Variants in MAGEA10 observed in about 807,000 individuals in gnomAD.
The protein encoded by MAGEA10 is melanoma-associated antigen 10.
MAGEA10 carries 7 observed loss-of-function variants against 8.6 expected under a neutral mutation model. The ratio of observed to expected loss-of-function variants is 0.82; its 90% confidence interval spans 0.46 to 1.53. MAGEA10 has a LOEUF of 1.53. MAGEA10 is among the 40% of genes most tolerant of loss of function. MAGEA10 has a pLI of 0.01. For synonymous variants in MAGEA10, 125 were observed against 107.4 expected (o/e 1.16, Z -1.02); for missense variants, 293 against 274.0 (o/e 1.07, Z -0.49).
At chrX:152,135,905 A>G in intron 2 of MAGEA10, 71 bp from the exon 3 acceptor site, 1 of 256,654 alleles carries the variant, frequency 3.9e-6, no homozygotes, top group Non-Finnish European at 7.0e-6. Context: ...GACTGACAGT[A>G]GGGTAGGTGG....
Position 152,134,345 on chromosome X carries a change from G to A in MAGEA10, c.*166C>T. ...ACTATAGTCATCCTACTGTGCAATA[G>A]AACACTAGAACTTATTCCTCCTATT... On this transcript the variant is annotated 3_prime_UTR_variant, in exon 4 of 4. Transcript: ENST00000370323. 4.7e-6 allele frequency: 2 copies of A among 429,708 alleles called. No homozygotes were observed. Among genetic ancestry groups the A allele is most frequent in the Non-Finnish European group, 7.9e-6 (2 of 253,442 alleles). 35.4% of individuals were successfully genotyped at this position (429,708 alleles called of 1,213,427 possible).
Position 152,135,667 on chromosome X carries a change from G to T in MAGEA10, c.-47C>A, listed in dbSNP as rs768227548. 9.2e-7 allele frequency: 1 copy of T among 1,082,730 alleles called. No homozygotes were observed. The highest frequency in any genetic ancestry group is 1.9e-5 in the African/African-American group (1 of 53,603). 89.2% of individuals were successfully genotyped at this position (1,082,730 alleles called of 1,213,427 possible). A position where few individuals can be genotyped will look rare whatever the true frequency, so the allele number is the denominator to read the frequency against. ...AGGTGGGAGTGTGGGCAGGACTTGG[G>T]CGATGGGGACCCACAGGCCTGGGGA... On this transcript the variant is annotated 5_prime_UTR_variant, in exon 4 of 4. Transcript: ENST00000370323.
rs778334853 is a variant in MAGEA10 at position 152,134,568 on chromosome X, A to T, written c.1053T>A (p.Thr351=). Residue 351 remains threonine (T), a synonymous_variant, in exon 4 of 4, where the codon ACT becomes ACA. Coordinates refer to ENST00000370323, the MANE Select transcript of MAGEA10 (RefSeq NM_021048.5). Reference sequence around the variant, plus strand: ...TAGAACTTGCACTGGCCATGGCAGTAGTATCATCTGTGGTGGCAATTCTGT... The same window carrying T: ...TAGAACTTGCACTGGCCATGGCAGTTGTATCATCTGTGGTGGCAATTCTGT... ...AQDRIATTDD[T]TAMASASSSA... 8.3e-7 allele frequency: 1 copy of T among 1,207,993 alleles called. No homozygotes were observed. Among genetic ancestry groups the T allele is most frequent in the Non-Finnish European group, 1.1e-6 (1 of 892,113 alleles).
chrX:152,135,177 C>A lies in MAGEA10; in HGVS notation c.444G>T (p.Lys148Asn). The A allele has an allele frequency of 8.3e-7, 1 of 1,209,824 alleles. No homozygotes were observed. The highest frequency in any genetic ancestry group is 1.1e-6 in the Non-Finnish European group (1 of 894,008). ...TTGTGATCGGCTCCTTCATTTGATA[C>A]TTGAAGAGCAGAAACTGCACCAAAT... ...VTDLVQFLLF[K>N]YQMKEPITKA... The change falls in exon 4 of 4, where the codon AAG becomes AAT. Residue 148 changes from lysine to asparagine, a missense_variant. By Grantham distance (94) the Lys-to-Asn change is moderately conservative. Coordinates refer to ENST00000370323, the MANE Select transcript of MAGEA10 (RefSeq NM_021048.5).
At chrX:152,137,971 G>C (rs1936716158) in intron 1 of MAGEA10, among the ~76,000 whole-genome samples, 1 of 110,506 alleles carries the variant, frequency 9.0e-6, no homozygotes, top group Non-Finnish European at 1.9e-5. Context: ...TCCTCAGGCC[G>C]AGTGAAGAGA....
chrX:152,135,312 A>G lies in MAGEA10; in HGVS notation c.309T>C (p.Asp103=), dbSNP rs1413167444. 1 of 1,210,819 alleles carries G rather than the reference A, an allele frequency of 8.3e-7. No homozygotes were observed. Among genetic ancestry groups the G allele is most frequent in the East Asian group, 3.0e-5 (1 of 33,788 alleles). Reference sequence around the variant, plus strand: ...GGCTGCTGGAGCCCTCATCAGATTGATCTAATGGAAGGGAAGCAACGACCG... The same window carrying G: ...GGCTGCTGGAGCCCTCATCAGATTGGTCTAATGGAAGGGAAGCAACGACCG... ...SPSVVASLPL[D]QSDEGSSSQK... The change falls in exon 4 of 4, where the codon GAT becomes GAC. Residue 103 remains aspartate, a synonymous_variant. Coordinates refer to ENST00000370323, the MANE Select transcript of MAGEA10 (RefSeq NM_021048.5).
intron 1 of MAGEA10, among the ~76,000 whole-genome samples, chrX:152,137,928 C>T: frequency 9.0e-6 from 1 of 110,643 alleles, no homozygotes; most frequent in South Asian, 4.0e-4. Flanking sequence ...TCTACCACGC[C>T]CCGCCGCAGA....
In MAGEA10 at chrX:152,135,576, ATCT is replaced by A. The variant is rs756690955; in HGVS notation, c.42_44del (p.Glu14del). 18 of 1,148,361 alleles carry A rather than the reference ATCT, an allele frequency of 1.6e-5. No homozygotes were observed. Among genetic ancestry groups the A allele is most frequent in the Middle Eastern group, 2.5e-4 (1 of 4,042 alleles). 94.6% of individuals were successfully genotyped at this position (1,148,361 alleles called of 1,213,427 possible). Reference sequence around the variant, plus strand: ...CCTGTGTCTCACTTTGGGATTGAAGATCTTCTTCAGGCATGCAGCGCTGACGCT... The same window carrying A: ...CCTGTGTCTCACTTTGGGATTGAAGATCTTCAGGCATGCAGCGCTGACGCT... On this transcript the variant is annotated inframe_deletion, in exon 4 of 4. Transcript: ENST00000370323.
At chrX:152,135,899 G>T in intron 2 of MAGEA10, 65 bp from the exon 3 acceptor site, 1 of 263,709 alleles carries the variant, frequency 3.8e-6, no homozygotes, top group Non-Finnish European at 6.8e-6. Context: ...CTCCAGGACT[G>T]ACAGTAGGGT....
At chrX:152,137,742 ACTCCTCAGACCATAGCCCT>A (rs1008726786) in intron 1 of MAGEA10, among the ~76,000 whole-genome samples, 2 of 108,720 alleles carry the variant, frequency 1.8e-5, no homozygotes, top group Non-Finnish European at 3.8e-5. Context: ...CTGAGGCTCC[ACTCCTCAGACCATAGCCCT>A]CTCCTCATTG....
Position 152,134,591 on chromosome X carries a change from T to C in MAGEA10, c.1030A>G (p.Arg344Gly). 8.3e-7 allele frequency: 1 copy of C among 1,207,702 alleles called. No homozygotes were observed. The highest frequency in any genetic ancestry group is 1.1e-6 in the Non-Finnish European group (1 of 892,065). Reference protein sequence around the residue: ...LKDEEERAQDRIATTDDTTAM... With the variant: ...LKDEEERAQDGIATTDDTTAM... ...GTAGTATCATCTGTGGTGGCAATTC[T>C]GTCCTGGGCTCTCTCTTCCTCATCT... is the stretch of plus-strand genomic sequence containing the variant. The change falls in exon 4 of 4, where the codon AGA becomes GGA. Residue 344 changes from arginine (R) to glycine (G), a missense_variant. Arg to Gly is a moderately radical substitution (Grantham distance 125). Transcript: ENST00000370323.
Position 152,134,534 on chromosome X carries a change from C to T in MAGEA10, c.1087G>A (p.Gly363Ser). 2 of 1,207,996 alleles carry T rather than the reference C, an allele frequency of 1.7e-6. No homozygotes were observed. The highest frequency in any genetic ancestry group is 2.3e-4 in the Middle Eastern group (1 of 4,309). The change falls in exon 4 of 4, where the codon GGT becomes AGT. Residue 363 changes from glycine (G) to serine (S), a missense_variant. Coordinates refer to ENST00000370323, the MANE Select transcript of MAGEA10 (RefSeq NM_021048.5). Reference protein sequence around the residue: ...AMASASSSATGSFSYPE With the variant: ...AMASASSSATSSFSYPE ...CTTTATTCAGGGTAGGAGAAGCTAC[C>T]TGTAGCGCTAGAACTTGCACTGGCC... is the stretch of plus-strand genomic sequence containing the variant.
chrX:152,134,304 C>T lies in MAGEA10; in HGVS notation c.*207G>A, dbSNP rs758730725. ...TTCCTTCTAGCTGTTTTGTAATATACAATATCTTAATGTTAACTATAGTCA... is the reference window on the plus strand; with the variant it reads ...TTCCTTCTAGCTGTTTTGTAATATATAATATCTTAATGTTAACTATAGTCA... On this transcript the variant is annotated 3_prime_UTR_variant, in exon 4 of 4. Coordinates refer to ENST00000370323, the MANE Select transcript of MAGEA10 (RefSeq NM_021048.5). 4.0e-5 allele frequency: 15 copies of T among 376,702 alleles called. No individual in the cohort carries two copies. The highest frequency in any genetic ancestry group is 5.9e-5 in the Non-Finnish European group (13 of 221,411). 31.0% of individuals were successfully genotyped at this position (376,702 alleles called of 1,213,427 possible). A position where few individuals can be genotyped will look rare whatever the true frequency, so the allele number is the denominator to read the frequency against.
Position 152,135,339 on chromosome X carries a change from G to A in MAGEA10, c.282C>T (p.Pro94=), listed in dbSNP as rs750288203. 8.3e-7 allele frequency: 1 copy of A among 1,210,834 alleles called. No individual in the cohort carries two copies. Among genetic ancestry groups the A allele is most frequent in the Non-Finnish European group, 1.1e-6 (1 of 895,122 alleles). ...CTAATGGAAGGGAAGCAACGACCGA[G>A]GGGGAGGAGCAGGCTATCTGAGCAC... is the stretch of plus-strand genomic sequence containing the variant. ...PQSAQIACSS[P]SVVASLPLDQ... The change falls in exon 4 of 4, where the codon CCC becomes CCT. Residue 94 remains proline, a synonymous_variant. Transcript: ENST00000370323.
Position 152,135,601 on chromosome X carries a change from C to G in MAGEA10, c.20G>C (p.Arg7Pro). Reference protein sequence around the residue: MPRAPKRQRCMPEEDLQ... With the variant: MPRAPKPQRCMPEEDLQ... ...ATCTTCTTCAGGCATGCAGCGCTGA[C>G]GCTTTGGAGCTCGAGGCATGATGAC... The change falls in exon 4 of 4, where the codon CGT becomes CCT. Residue 7 changes from arginine (R) to proline (P), a missense_variant. Transcript: ENST00000370323. 1 of 1,136,983 alleles carries G rather than the reference C, an allele frequency of 8.8e-7. No individual in the cohort carries two copies. Among genetic ancestry groups the G allele is most frequent in the Non-Finnish European group, 1.2e-6 (1 of 859,926 alleles). The allele number at this position is 1,136,983 out of a possible 1,213,427, so 93.7% of individuals were successfully genotyped here.
In MAGEA10 at chrX:152,133,920, A is replaced by G. The variant is rs1445372608; in HGVS notation, c.*591T>C. The G allele has an allele frequency of 1.9e-5, 2 of 106,736 alleles. No homozygotes were observed. Among genetic ancestry groups the G allele is most frequent in the Non-Finnish European group, 3.8e-5 (2 of 51,974 alleles). The allele number at this position is 106,736 out of a possible 1,213,427, so 8.8% of individuals were successfully genotyped here. ...GCACTCCTGCCAGAGCAATAGAGTG[A>G]GACTTTGTTAAAAAAAAAAAAAGAA... On this transcript the variant is annotated 3_prime_UTR_variant, in exon 4 of 4. Transcript: ENST00000370323.
At position 152,135,697 on chromosome X, in the gene MAGEA10, G is replaced by A. The variant is rs966944186; in HGVS notation, c.-65-12C>T. On this transcript the variant is annotated splice_polypyrimidine_tract_variant and intron_variant, in intron 3 of 3. Transcript: ENST00000370323. ...GGGGACCCACAGGCCTGGGGAGAGA[G>A]GGAGGGTGTAAGTGGCCACAGCTGA... is the stretch of plus-strand genomic sequence containing the variant. The A allele has an allele frequency of 2.1e-6, 2 of 973,333 alleles. No individual in the cohort carries two copies. The highest frequency in any genetic ancestry group is 6.4e-5 in the Admixed American group (2 of 31,151). 80.2% of individuals were successfully genotyped at this position (973,333 alleles called of 1,213,427 possible).
At position 152,135,265 on chromosome X, in the gene MAGEA10, G is replaced by C; in HGVS notation, c.356C>G (p.Thr119Ser). 1 of 1,211,121 alleles carries C rather than the reference G, an allele frequency of 8.3e-7. No individual in the cohort carries two copies. The highest frequency in any genetic ancestry group is 1.1e-6 in the Non-Finnish European group (1 of 895,287). The change falls in exon 4 of 4, where the codon ACC becomes AGC. Residue 119 changes from threonine (T) to serine (S), a missense_variant. Transcript: ENST00000370323. Reference sequence around the variant, plus strand: ...CTCACTGTCTGGCAGGACCTGTAGGGTGCTTGGACTCTCCTCCTTTTGGCT... The same window carrying C: ...CTCACTGTCTGGCAGGACCTGTAGGCTGCTTGGACTCTCCTCCTTTTGGCT... ...SSSQKEESPS[T>S]LQVLPDSESL...
At position 152,135,364 on chromosome X, in the gene MAGEA10, C is replaced by T. The variant is rs376173074; in HGVS notation, c.257G>A (p.Ser86Asn). The change falls in exon 4 of 4, where the codon AGT (serine) becomes AAT (asparagine). Residue 86 changes from serine to asparagine, a missense_variant. Ser to Asn is a conservative substitution (Grantham distance 46). Coordinates refer to ENST00000370323, the MANE Select transcript of MAGEA10 (RefSeq NM_021048.5). Reference protein sequence around the residue: ...ADDETPNPPQSAQIACSSPSV... With the variant: ...ADDETPNPPQNAQIACSSPSV... ...GGGGGAGGAGCAGGCTATCTGAGCA[C>T]TCTGGGGAGGATTTGGTGTCTCATC... The T allele has an allele frequency of 3.3e-6, 4 of 1,204,543 alleles. No homozygotes were observed. In the East Asian group the frequency reaches 1.2e-4, roughly 36 times the overall value.
Sources: allele counts gnomAD v4.1 joint callset (sites outside exome capture counted in the v4.1 genomes callset), GRCh38; gene constraint gnomAD v4.1.1; transcripts MANE v1.5; gene names NCBI Gene and HGNC (gene_info 2026-07-23, HGNC 2026-07-21).